The following LRP2 variants were observed in gnomAD, a reference collection of about 807,000 sequenced individuals.
LRP2 encodes LDL receptor related protein 2.
LRP2 carries 172 observed loss-of-function variants against 531.0 expected under a neutral mutation model. The observed-to-expected ratio is 0.32, with a 90% CI of 0.29 to 0.37. The LOEUF (loss-of-function observed/expected upper bound fraction) is 0.37. LRP2 is among the 10% of genes least tolerant of loss of function. The pLI is 1.00. For synonymous variants in LRP2, 1,992 were observed against 2,027.6 expected (o/e 0.98, Z 0.47); for missense variants, 5,167 against 5,868.3 (o/e 0.88, Z 3.90).
At chr2:169,345,804 C>T (rs1461984376) in intron 1 of LRP2, among the ~76,000 whole-genome samples, 2 of 150,406 alleles carry the variant, frequency 1.3e-5, no homozygotes, top group African/African-American at 4.9e-5. Flanking sequence ...GAAAAACATC[C>T]TACATGACTC....
chr2:169,209,736 C>G, intron 37 of LRP2, 95 bp from the exon 38 acceptor site: 1 of 1,151,714 alleles, frequency 8.7e-7, no homozygotes. Context: ...TCCCAACCCC[C>G]TGCTCTGAGC....
chr2:169,283,064 CA>C, intron 9 of LRP2, 63 bp from the exon 10 acceptor site: 1 of 1,571,890 alleles, frequency 6.4e-7, no homozygotes, highest in Non-Finnish European at 8.7e-7. Flanking sequence ...CACTCTCTGA[CA>C]AAAATCCTAG....
chr2:169,259,058 T>C lies in LRP2; in HGVS notation c.2480A>G (p.Asn827Ser). 1 of 1,613,260 alleles carries C rather than the reference T, an allele frequency of 6.2e-7. No homozygotes were observed. The highest frequency in any genetic ancestry group is 1.1e-5 in the South Asian group (1 of 91,044). The change falls in exon 17 of 79, where the codon AAC becomes AGC. Residue 827 changes from asparagine (N) to serine (S), a missense_variant. By Grantham distance (46) the Asn-to-Ser change is conservative. This residue lies in a region of LRP2 where 2,811 missense variants were observed against 3,058.0 expected (regional missense o/e 0.92). Coordinates refer to ENST00000649046, the MANE Select transcript of LRP2 (RefSeq NM_004525.3). ...TRRTVVQYLN[N>S]PRSVVVHPFA... is the part of the protein sequence containing the mutation. ...AGGATGAACTACCACCGACCGTGGG[T>C]TATTTAAATACTGAACTACTGTGCG...
intron 18 of LRP2, among the ~76,000 whole-genome samples, chr2:169,256,792 G>A (rs1003137659): frequency 2.6e-5 from 4 of 152,046 alleles, no homozygotes; most frequent in African/African-American, 7.2e-5. Context: ...ACTGCCTACA[G>A]TTCAACAAAT....
In LRP2 at chr2:169,199,265, C is replaced by T. The variant is rs556272007; in HGVS notation, c.8453-354G>A. 3.9e-5 allele frequency among the ~76,000 whole-genome samples: 6 copies of T among 152,254 alleles called. No homozygotes were observed. In the South Asian group the frequency reaches 1.2e-3, roughly 32 times the overall value. Reference sequence around the variant, plus strand: ...GCTATTAAAGGAATAAAGAAGATTTCTATATACTGATAAGTAATGACAGTA... The same window carrying T: ...GCTATTAAAGGAATAAAGAAGATTTTTATATACTGATAAGTAATGACAGTA... On this transcript the variant is annotated intron_variant, in intron 44 of 78. Coordinates refer to ENST00000649046, the MANE Select transcript of LRP2 (RefSeq NM_004525.3).
Position 169,280,362 on chromosome 2 carries a change from G to A in LRP2, c.1329C>T (p.Thr443=), listed in dbSNP as rs144184057. The A allele has an allele frequency of 2.7e-5, 43 of 1,613,864 alleles. No homozygotes were observed. Among genetic ancestry groups the A allele is most frequent in the African/African-American group, 1.7e-4 (13 of 74,820 alleles). ...YHLQRVFWTD[T]VQNKVFSVDI... Reference sequence around the variant, plus strand: ...AATTTCTATTTACCTTATTTTGCACGGTGTCTGTCCAAAAAACTCTTTGCA... The same window carrying A: ...AATTTCTATTTACCTTATTTTGCACAGTGTCTGTCCAAAAAACTCTTTGCA... Residue 443 remains threonine (T), a synonymous_variant, in exon 11 of 79, where the codon ACC becomes ACT. Transcript: ENST00000649046.
chr2:169,301,459 T>C (rs1234449182), intron 4 of LRP2, among the ~76,000 whole-genome samples: 4 of 151,586 alleles, frequency 2.6e-5, no homozygotes, highest in Non-Finnish European at 5.9e-5. Flanking sequence ...ATTTTACAGA[T>C]GACCAGATTG....
rs1390551490 is a variant in LRP2, at chr2:169,170,618, G to A, written c.11313C>T (p.Cys3771=). ...ESEFRCVNQQ[C]IPSRWICDHY... ...GGTCACAGATCCATCGCGAGGGAAT[G>A]CACTGCTGATTGACACATCGAAACT... is the stretch of plus-strand genomic sequence containing the variant. The change falls in exon 59 of 79, where the codon TGC becomes TGT. Residue 3771 remains cysteine (C), a synonymous_variant. Transcript: ENST00000649046. 6.2e-7 allele frequency: 1 copy of A among 1,613,982 alleles called. No individual in the cohort carries two copies. Among genetic ancestry groups the A allele is most frequent in the African/African-American group, 1.3e-5 (1 of 74,896 alleles).
intron 34 of LRP2, among the ~76,000 whole-genome samples, chr2:169,218,366 C>T (rs1688870237): frequency 6.6e-6 from 1 of 152,072 alleles, no homozygotes; most frequent in Non-Finnish European, 1.5e-5. Context: ...GCTTTAAGAT[C>T]CAGTCCAAAT....
intron 1 of LRP2, among the ~76,000 whole-genome samples, chr2:169,359,110 T>C (rs1686076627): frequency 6.6e-6 from 1 of 152,120 alleles, no homozygotes; most frequent in Non-Finnish European, 1.5e-5. Context: ...ATTTTCTAGT[T>C]TATTTTCACT....
chr2:169,216,563 C>T lies in LRP2; in HGVS notation c.5649-133G>A, dbSNP rs13417486. 0.063 allele frequency: 52,155 copies of T among 828,146 alleles called. 2,875 individuals carry two copies. Among genetic ancestry groups the T allele is most frequent in the African/African-American group, 0.24 (14,416 of 59,542 alleles). 51.3% of individuals were successfully genotyped at this position (828,146 alleles called of 1,614,324 possible). On this transcript the variant is annotated intron_variant, in intron 34 of 78. Transcript: ENST00000649046. ...GGGCAAAGGCTGAAAATCAATATCT[C>T]GTTGCATACAACGTGGAGGGGTACT...
intron 71 of LRP2, among the ~76,000 whole-genome samples, chr2:169,141,561 C>T (rs1178676828): frequency 6.6e-6 from 1 of 152,130 alleles, no homozygotes; most frequent in Non-Finnish European, 1.5e-5. Context: ...GGAATGACTG[C>T]CATCATTCGT....
intron 38 of LRP2, 109 bp from the exon 39 acceptor site, chr2:169,207,359 A>G: frequency 1.3e-6 from 1 of 782,518 alleles, no homozygotes; most frequent in Non-Finnish European, 2.2e-6. Context: ...CTGGGTCACT[A>G]TATGTTGTCT....
At chr2:169,227,691 A>C (rs924717899) in intron 31 of LRP2, among the ~76,000 whole-genome samples, 1 of 152,022 alleles carries the variant, frequency 6.6e-6, no homozygotes, top group African/African-American at 2.4e-5. Flanking sequence ...TTTTTTCTTT[A>C]CTTATTTTCA....
Position 169,204,229 on chromosome 2 carries a change from T to C in LRP2, c.7758A>G (p.Glu2586=). The part of the protein sequence containing the change: ...ERSTLTGVDR[E]VIVNAAVHAF... ...CATGAACGGCTGCATTGACAATGAC[T>C]TCACGATCCACGCCCGTCAGAGTGC... is the stretch of plus-strand genomic sequence containing the variant. Residue 2586 remains glutamate (E), a synonymous_variant, in exon 42 of 79, where the codon GAA becomes GAG. Coordinates refer to ENST00000649046, the MANE Select transcript of LRP2 (RefSeq NM_004525.3). 6.2e-7 allele frequency: 1 copy of C among 1,614,066 alleles called. No homozygotes were observed. The highest frequency in any genetic ancestry group is 2.2e-5 in the East Asian group (1 of 44,882).
intron 34 of LRP2, among the ~76,000 whole-genome samples, chr2:169,219,287 T>A (rs547824248): frequency 6.6e-6 from 1 of 152,236 alleles, no homozygotes; most frequent in South Asian, 2.1e-4. Flanking sequence ...GGCCTAAGAA[T>A]CTGATAACTT....
intron 1 of LRP2, among the ~76,000 whole-genome samples, chr2:169,335,693 C>A (rs831027): frequency 6.6e-6 from 1 of 151,938 alleles, no homozygotes; most frequent in South Asian, 2.1e-4. Flanking sequence ...CCAGGACCCA[C>A]GTTTAAAAGA....
intron 30 of LRP2, among the ~76,000 whole-genome samples, chr2:169,232,616 T>C (rs1408642761): frequency 6.6e-6 from 1 of 152,122 alleles, no homozygotes; most frequent in African/African-American, 2.4e-5. Flanking sequence ...CTATTTTAGG[T>C]AGAGCGGTCA....
At chr2:169,321,668 A>T (rs1684912146) in intron 1 of LRP2, among the ~76,000 whole-genome samples, 1 of 152,180 alleles carries the variant, frequency 6.6e-6, no homozygotes, top group Admixed American at 6.5e-5. Context: ...CTTAATTTTT[A>T]AAAATTAAAT....
Sources: gnomAD v4.1 joint callset for allele counts (sites outside exome capture counted in the v4.1 genomes callset) on GRCh38, gnomAD v4.1.1 for gene constraint, gnomAD v4.1.1 regional missense constraint, MANE v1.5 for transcripts, NCBI Gene and HGNC (gene_info 2026-07-23, HGNC 2026-07-21) for gene names.